DMC1: variants seen among roughly 807,000 people sequenced by gnomAD.
DMC1 encodes the protein meiotic recombination protein DMC1 homolog.
A neutral mutation model predicts 50.1 loss-of-function variants in DMC1; 27 were observed. That is an observed-to-expected ratio of 0.54 (90% confidence interval 0.40 to 0.74). The LOEUF is 0.74. Among genes scored for constraint, DMC1 ranks in the 30% least tolerant of loss-of-function variants. DMC1 has a pLI of 0.00. For synonymous variants in DMC1, 148 were observed against 136.1 expected (o/e 1.09, Z -0.61); for missense variants, 295 against 420.2 (o/e 0.70, Z 2.60).
At chr22:38,522,256 T>C (rs557489630) in intron 12 of DMC1, among the ~76,000 whole-genome samples, 5 of 150,034 alleles carry the variant, frequency 3.3e-5, no homozygotes, top group African/African-American at 1.2e-4. Flanking sequence ...CAGCCTGACT[T>C]TAAAAAATGA....
At chr22:38,566,279 A>AG (rs1428456543) in intron 4 of DMC1, among the ~76,000 whole-genome samples, 4 of 151,934 alleles carry the variant, frequency 2.6e-5, no homozygotes, top group African/African-American at 9.7e-5. Context: ...TCTCAGAAAA[A>AG]AAAAAAAAAA....
Position 38,557,094 on chromosome 22 carries a change from C to T in DMC1, c.327-1685G>A, listed in dbSNP as rs62228937. Among the ~76,000 whole-genome samples, 273 of 152,226 alleles carry T rather than the reference C, an allele frequency of 1.8e-3. 1 individual carries two copies. Among genetic ancestry groups the T allele is most frequent in the Non-Finnish European group, 3.1e-3 (208 of 68,020 alleles). On this transcript the variant is annotated intron_variant, in intron 5 of 13. Transcript: ENST00000216024. The stretch of plus-strand genomic sequence containing the variant: ...TATGCAGGTTTGTTACATAGGTAAA[C>T]GTGTGCCATGGTGGTTGGGCTAGCA...
intron 2 of DMC1, among the ~76,000 whole-genome samples, 158 bp from the exon 3 acceptor site, chr22:38,567,785 CAGA>C (rs1481118633): frequency 6.6e-6 from 1 of 152,244 alleles, no homozygotes; most frequent in Non-Finnish European, 1.5e-5. Context: ...TTTTCAAACA[CAGA>C]AGAAGCACCA....
chr22:38,521,022 C>T (rs902588748), intron 13 of DMC1, among the ~76,000 whole-genome samples: 1 of 151,956 alleles, frequency 6.6e-6, no homozygotes. Context: ...CAGGTGTGAG[C>T]CACTGTGCCG....
At chr22:38,562,650 C>A (rs1489986497) in intron 4 of DMC1, among the ~76,000 whole-genome samples, 1 of 151,970 alleles carries the variant, frequency 6.6e-6, no homozygotes, top group Non-Finnish European at 1.5e-5. Flanking sequence ...GTCAAACATG[C>A]AACAGTGTTT....
At chr22:38,555,664 A>AG (rs1440043681) in intron 5 of DMC1, among the ~76,000 whole-genome samples, 3 of 152,062 alleles carry the variant, frequency 2.0e-5, no homozygotes, top group Non-Finnish European at 2.9e-5. Context: ...TTCTTACTTC[A>AG]ATAGTAAATG....
chr22:38,553,032 GA>G (rs1338942247), intron 6 of DMC1, among the ~76,000 whole-genome samples: 2 of 150,776 alleles, frequency 1.3e-5, no homozygotes, highest in Admixed American at 6.6e-5. Flanking sequence ...ATTTTAAGTA[GA>G]GATGGGGTTT....
intron 4 of DMC1, 110 bp downstream of exon 4, chr22:38,566,480 T>C (rs1056767445): frequency 8.5e-7 from 1 of 1,173,616 alleles, no homozygotes; most frequent in African/African-American, 1.5e-5. Flanking sequence ...TAATATACTG[T>C]GATCTACAGG....
chr22:38,556,385 T>C (rs2090469376), intron 5 of DMC1, among the ~76,000 whole-genome samples: 1 of 152,198 alleles, frequency 6.6e-6, no homozygotes, highest in African/African-American at 2.4e-5. Context: ...TGAGCCATCA[T>C]GCCCGGCTTC....
intron 1 of DMC1, among the ~76,000 whole-genome samples, chr22:38,569,823 C>T (rs940693533): frequency 6.6e-6 from 1 of 152,220 alleles, no homozygotes; most frequent in Admixed American, 6.5e-5. Flanking sequence ...ATTCCCTGGT[C>T]AGGAGGATGA....
At chr22:38,554,051 C>T (rs1001206194) in intron 6 of DMC1, among the ~76,000 whole-genome samples, 1 of 151,156 alleles carries the variant, frequency 6.6e-6, no homozygotes, top group Non-Finnish European at 1.5e-5. Flanking sequence ...ATTGCTTGAA[C>T]CTAGGAGGCA....
At chr22:38,555,736 A>G (rs1170573452) in intron 5 of DMC1, among the ~76,000 whole-genome samples, 2 of 152,050 alleles carry the variant, frequency 1.3e-5, no homozygotes, top group African/African-American at 4.8e-5. Flanking sequence ...ATTTTAAGAA[A>G]AAACTTAAAA....
chr22:38,537,282 C>A (rs1045147020), intron 12 of DMC1, among the ~76,000 whole-genome samples: 1 of 151,336 alleles, frequency 6.6e-6, no homozygotes, highest in Non-Finnish European at 1.5e-5. Context: ...GGCGCGATCT[C>A]GGCTTACTAC....
rs2090055884 is a variant in DMC1, at chr22:38,523,752, A to G, written c.837-2028T>C. Among the ~76,000 whole-genome samples, 7 of 151,638 alleles carry G rather than the reference A, an allele frequency of 4.6e-5. No homozygotes were observed. In the South Asian group the frequency reaches 1.5e-3, roughly 31 times the overall value. ...CACTGTACTCTAGCCTGGGTGACAGAGTGGGACTCTGTCTCAGAAAAAAAA... is the reference window on the plus strand; with the variant it reads ...CACTGTACTCTAGCCTGGGTGACAGGGTGGGACTCTGTCTCAGAAAAAAAA... On this transcript the variant is annotated intron_variant, in intron 12 of 13. Coordinates refer to ENST00000216024, the MANE Select transcript of DMC1 (RefSeq NM_007068.4).
chr22:38,531,892 C>G (rs2090155516), intron 12 of DMC1, among the ~76,000 whole-genome samples: 1 of 152,072 alleles, frequency 6.6e-6, no homozygotes, highest in Non-Finnish European at 1.5e-5. Context: ...GGAATTAATT[C>G]AAAATTGTTT....
intron 3 of DMC1, among the ~76,000 whole-genome samples, chr22:38,567,133 C>T (rs1385921964): frequency 1.3e-5 from 2 of 152,026 alleles, no homozygotes; most frequent in African/African-American, 2.4e-5. Flanking sequence ...TTCCTCTGCC[C>T]CTGGAGAATG....
intron 9 of DMC1, among the ~76,000 whole-genome samples, chr22:38,538,863 T>C (rs536887769): frequency 2.0e-5 from 3 of 152,116 alleles, no homozygotes; most frequent in Admixed American, 1.3e-4. Flanking sequence ...GGTGAAACCC[T>C]GACTCTACTA....
intron 4 of DMC1, among the ~76,000 whole-genome samples, chr22:38,565,416 G>C (rs1177187906): frequency 6.6e-6 from 1 of 152,218 alleles, no homozygotes; most frequent in Non-Finnish European, 1.5e-5. Context: ...GGAAGTTACT[G>C]CCCCTTTCCA....
At chr22:38,556,147 T>C (rs1166288542) in intron 5 of DMC1, among the ~76,000 whole-genome samples, 2 of 152,174 alleles carry the variant, frequency 1.3e-5, no homozygotes, top group South Asian at 2.1e-4. Context: ...TAGTTATTAA[T>C]TGGGTATTTA....
Sources: gnomAD v4.1 joint callset for allele counts (sites outside exome capture counted in the v4.1 genomes callset) on GRCh38, gnomAD v4.1.1 for gene constraint, MANE v1.5 for transcripts, NCBI Gene and HGNC (gene_info 2026-07-23, HGNC 2026-07-21) for gene names.